Variants in FBN1 observed in about 807,000 individuals in gnomAD.
FBN1 encodes the protein fibrillin-1.
In FBN1, 29 loss-of-function variants were observed where a neutral mutation model predicts 365.1. The observed-to-expected ratio is 0.08, with a 90% CI of 0.06 to 0.11. The LOEUF is 0.11. FBN1 is among the 10% of genes least tolerant of loss of function. The pLI, the probability that FBN1 is intolerant of heterozygous loss-of-function variation, is 1.00. For missense variants in FBN1, 2,476 were observed against 3,703.2 expected (o/e 0.67, Z 8.60); for synonymous variants, 1,210 against 1,270.5 (o/e 0.95, Z 1.01).
intron 48 of FBN1, among the ~76,000 whole-genome samples, chr15:48,444,900 T>C (rs1230622509): frequency 7.4e-6 from 1 of 135,052 alleles, no homozygotes; most frequent in African/African-American, 2.8e-5. Flanking sequence ...TTCCAGAAAA[T>C]TGTAGCATGT....
At position 48,520,804 on chromosome 15, in the gene FBN1, T is replaced by C. The variant is rs958523262; in HGVS notation, c.1002A>G (p.Gly334=). 1.2e-6 allele frequency: 2 copies of C among 1,614,132 alleles called. No homozygotes were observed. The highest frequency in any genetic ancestry group is 1.7e-5 in the Admixed American group (1 of 60,022). ...CGTTTGTCAGAGCTGTGTAACAGTA[T>C]CCTGGGCGAACATCTGAGGACAAAG... ...DGTRCIDVRP[G]YCYTALTNGR... is the part of the protein sequence containing the mutation. The change falls in exon 10 of 66, where the codon GGA becomes GGG. Residue 334 remains glycine, a synonymous_variant. Transcript: ENST00000316623.
At chr15:48,626,737 A>C (rs1432937267) in intron 2 of FBN1, among the ~76,000 whole-genome samples, 1 of 152,182 alleles carries the variant, frequency 6.6e-6, no homozygotes, top group Non-Finnish European at 1.5e-5. Context: ...AATTGAAACA[A>C]AGTTGTAAGC....
At chr15:48,435,706 A>T (rs1007646731) in intron 53 of FBN1, among the ~76,000 whole-genome samples, 3 of 149,028 alleles carry the variant, frequency 2.0e-5, no homozygotes, top group Admixed American at 6.7e-5. Flanking sequence ...GTGTGTGTAT[A>T]TATATGTGTG....
rs555316956 is a variant in FBN1 at position 48,517,230 on chromosome 15, C to T, written c.1148-868G>A. Among the ~76,000 whole-genome samples the T allele has an allele frequency of 9.2e-5, 14 of 152,204 alleles. No individual in the cohort carries two copies. In the South Asian group the frequency reaches 2.7e-3, roughly 29 times the overall value. ...TGTAAAAGACAGTGTGAAGCTTAGA[C>T]GAATCAAGGCTAGACGTGAGTTTCA... On this transcript the variant is annotated intron_variant, in intron 10 of 65. Transcript: ENST00000316623.
intron 63 of FBN1, among the ~76,000 whole-genome samples, chr15:48,416,377 G>T (rs1241117825): frequency 2.6e-5 from 4 of 152,144 alleles, no homozygotes; most frequent in Non-Finnish European, 5.9e-5. Flanking sequence ...TTCTGCAAAA[G>T]CCCCCAGGTA....
chr15:48,492,205 G>A (rs2043566173), intron 24 of FBN1, among the ~76,000 whole-genome samples: 1 of 152,158 alleles, frequency 6.6e-6, no homozygotes, highest in South Asian at 2.1e-4. Flanking sequence ...CACGGCATAT[G>A]GGGCCGATTT....
intron 6 of FBN1, among the ~76,000 whole-genome samples, chr15:48,559,828 C>A (rs909918960): frequency 6.6e-6 from 1 of 152,102 alleles, no homozygotes; most frequent in South Asian, 2.1e-4. Flanking sequence ...AAGTGAAAGA[C>A]GAAGTATTTT....
At chr15:48,484,375 A>ATT (rs562389903) in intron 30 of FBN1, among the ~76,000 whole-genome samples, 46 of 143,960 alleles carry the variant, frequency 3.2e-4, no homozygotes, top group African/African-American at 9.6e-4. Flanking sequence ...ACTTTCAACA[A>ATT]TTTTTTTTTT....
In FBN1 at chr15:48,537,768, C is replaced by G; in HGVS notation, c.579G>C (p.Gln193His). ...TGPCFTVISN[Q>H]MCQGQLSGIV... ...TCCCGCTGAGTTGTCCCTGGCACAT[C>G]TGGTTGCTGATCACAGTAAAACATG... Residue 193 changes from glutamine (Q) to histidine (H), a missense_variant, in exon 7 of 66, where the codon CAG (glutamine) becomes CAC (histidine). By Grantham distance (24) the Gln-to-His change is conservative. Around this residue, in one of 5 missense-constraint regions of FBN1, gnomAD observed 421 missense variants for 520.1 expected, o/e 0.81. Coordinates refer to ENST00000316623, the MANE Select transcript of FBN1 (RefSeq NM_000138.5). 1.2e-6 allele frequency: 2 copies of G among 1,614,192 alleles called. No individual in the cohort carries two copies. Among genetic ancestry groups the G allele is most frequent in the Non-Finnish European group, 1.7e-6 (2 of 1,180,044 alleles).
rs746201265 is a variant in FBN1, at chr15:48,474,522, A to T, written c.4087+6T>A. ...GATAAGCAACCTCTGTTACTTTCCT[A>T]CTCACCAGTGCACTTAATGCCATCT... On this transcript the variant is annotated splice_donor_region_variant and intron_variant, in intron 33 of 65. Transcript: ENST00000316623. 8.1e-6 allele frequency: 13 copies of T among 1,613,986 alleles called. No individual in the cohort carries two copies. Among genetic ancestry groups the T allele is most frequent in the Non-Finnish European group, 1.0e-5 (12 of 1,180,014 alleles).
At chr15:48,444,849 A>T (rs2043141373) in intron 48 of FBN1, among the ~76,000 whole-genome samples, 189 bp from the exon 49 acceptor site, 1 of 152,262 alleles carries the variant, frequency 6.6e-6, no homozygotes, top group Non-Finnish European at 1.5e-5. Flanking sequence ...AATGTATAGC[A>T]TAACAACCAT....
chr15:48,501,364 T>A (rs1164837333), intron 17 of FBN1, among the ~76,000 whole-genome samples: 1 of 152,240 alleles, frequency 6.6e-6, no homozygotes, highest in Non-Finnish European at 1.5e-5. Flanking sequence ...CTCTCACTCC[T>A]GCATGCTCTG....
At chr15:48,531,683 C>T (rs1233612879) in intron 8 of FBN1, among the ~76,000 whole-genome samples, 3 of 152,112 alleles carry the variant, frequency 2.0e-5, no homozygotes, top group Non-Finnish European at 4.4e-5. Flanking sequence ...CACAGTGAGA[C>T]ACTGTAACCG....
Position 48,421,452 on chromosome 15 carries a change from C to T in FBN1, c.7699+106G>A, listed in dbSNP as rs150332563. 232 of 1,399,170 alleles carry T rather than the reference C, an allele frequency of 1.7e-4. 1 individual carries two copies. The African/African-American group carries it at 1.9e-3, about 11-fold the overall frequency. The allele number at this position is 1,399,170 out of a possible 1,614,324, so 86.7% of individuals were successfully genotyped here. A position where few individuals can be genotyped will look rare whatever the true frequency, so the allele number is the denominator to read the frequency against. ...TATTTTAGCTGAGTGCCCCCCTGGG[C>T]TCAGATCTGCTATCTCATAGAGGCT... On this transcript the variant is annotated intron_variant, in intron 62 of 65. Coordinates refer to ENST00000316623, the MANE Select transcript of FBN1 (RefSeq NM_000138.5).
intron 6 of FBN1, among the ~76,000 whole-genome samples, chr15:48,553,761 T>C (rs2044160024): frequency 6.6e-6 from 1 of 152,122 alleles, no homozygotes; most frequent in Non-Finnish European, 1.5e-5. Context: ...TTGAGAGAAA[T>C]GTTGAGCCCT....
At chr15:48,422,319 T>C (rs1168523388) in intron 60 of FBN1, among the ~76,000 whole-genome samples, 1 of 152,238 alleles carries the variant, frequency 6.6e-6, no homozygotes, top group Non-Finnish European at 1.5e-5. Flanking sequence ...AACACAATTC[T>C]AATTGGAGAA....
At chr15:48,598,561 C>G (rs1023062788) in intron 5 of FBN1, among the ~76,000 whole-genome samples, 5 of 152,160 alleles carry the variant, frequency 3.3e-5, no homozygotes, top group African/African-American at 1.2e-4. Flanking sequence ...CATTTAAGCT[C>G]TAGCAACACC....
chr15:48,546,063 T>C (rs566709430), intron 6 of FBN1, among the ~76,000 whole-genome samples: 1 of 152,072 alleles, frequency 6.6e-6, no homozygotes. Flanking sequence ...ATTAAACACT[T>C]TGACTTCAAT....
rs938492117 is a variant in FBN1 at position 48,595,913 on chromosome 15, T to C, written c.538+370A>G. 5.3e-5 allele frequency among the ~76,000 whole-genome samples: 8 copies of C among 152,176 alleles called. No individual in the cohort carries two copies. In the East Asian group the frequency reaches 1.3e-3, roughly 26 times the overall value. On this transcript the variant is annotated intron_variant, in intron 6 of 65. Transcript: ENST00000316623. ...TACTGAAATTCTCCCTTTCCATACA[T>C]ATGTTTTGTTCAAGACCACTTAATT... is the stretch of plus-strand genomic sequence containing the variant.
Sources: allele counts gnomAD v4.1 joint callset (sites outside exome capture counted in the v4.1 genomes callset), GRCh38; gene constraint gnomAD v4.1.1; regional missense constraint gnomAD v4.1.1; transcripts MANE v1.5; gene names NCBI Gene and HGNC (gene_info 2026-07-23, HGNC 2026-07-21).